ATP8A2: variants seen among roughly 807,000 people sequenced by gnomAD.
The protein encoded by ATP8A2 is phospholipid-transporting ATPase IB.
A neutral mutation model predicts 165.6 loss-of-function variants in ATP8A2; 100 were observed. The ratio of observed to expected loss-of-function variants is 0.60; its 90% confidence interval spans 0.51 to 0.71. The LOEUF is 0.71. ATP8A2 is among the 30% of genes least tolerant of loss of function. The pLI is 0.00. For synonymous variants in ATP8A2, 543 were observed against 548.8 expected (o/e 0.99, Z 0.15); for missense variants, 1,227 against 1,479.5 (o/e 0.83, Z 2.80).
intron 24 of ATP8A2, among the ~76,000 whole-genome samples, chr13:25,591,628 A>C (rs577454079): frequency 7.3e-6 from 1 of 136,098 alleles, no homozygotes; most frequent in South Asian, 2.2e-4. Context: ...CTCTCTTGCC[A>C]GGTTGGAGTG....
At chr13:25,788,956 C>T (rs2045099500) in intron 27 of ATP8A2, among the ~76,000 whole-genome samples, 1 of 152,150 alleles carries the variant, frequency 6.6e-6, no homozygotes, top group East Asian at 1.9e-4. Flanking sequence ...GCTTGAGTTA[C>T]ATGAAGAGCA....
At chr13:25,518,556 G>C (rs2037554632) in intron 2 of ATP8A2, among the ~76,000 whole-genome samples, 1 of 152,138 alleles carries the variant, frequency 6.6e-6, no homozygotes, top group Non-Finnish European at 1.5e-5. Flanking sequence ...TGTTTCTGGA[G>C]GCTTGCTTGA....
intron 35 of ATP8A2, among the ~76,000 whole-genome samples, chr13:25,993,822 C>T (rs1566335256): frequency 6.6e-6 from 1 of 152,104 alleles, no homozygotes; most frequent in African/African-American, 2.4e-5. Context: ...AACAATTGTT[C>T]TTTTACCTTT....
intron 1 of ATP8A2, among the ~76,000 whole-genome samples, chr13:25,388,634 CA>C (rs1231763242): frequency 6.6e-6 from 1 of 152,166 alleles, no homozygotes; most frequent in South Asian, 2.1e-4. Context: ...CCGATCAGGT[CA>C]GGGGTGGATC....
intron 24 of ATP8A2, among the ~76,000 whole-genome samples, chr13:25,642,861 C>T (rs978004801): frequency 2.6e-5 from 4 of 152,180 alleles, no homozygotes; most frequent in Non-Finnish European, 5.9e-5. Context: ...GGCACATGCA[C>T]ACCGTGGAAT....
At chr13:25,894,889 C>A (rs959618881) in intron 33 of ATP8A2, among the ~76,000 whole-genome samples, 1 of 152,022 alleles carries the variant, frequency 6.6e-6, no homozygotes, top group Non-Finnish European at 1.5e-5. Context: ...GATTTTGTAT[C>A]CTGAGACTTT....
chr13:25,947,755 G>A (rs1246575552), intron 33 of ATP8A2, among the ~76,000 whole-genome samples: 1 of 152,206 alleles, frequency 6.6e-6, no homozygotes, highest in Admixed American at 6.5e-5. Context: ...CAGACACCGT[G>A]GTCAGCCTTT....
chr13:25,574,335 A>G (rs989310792), intron 18 of ATP8A2, among the ~76,000 whole-genome samples: 2 of 152,202 alleles, frequency 1.3e-5, no homozygotes, highest in Admixed American at 6.5e-5. Flanking sequence ...GCAAAACCTA[A>G]TCAGAACTGA....
At chr13:25,702,697 T>A (rs1459385706) in intron 25 of ATP8A2, among the ~76,000 whole-genome samples, 1 of 152,210 alleles carries the variant, frequency 6.6e-6, no homozygotes, top group Non-Finnish European at 1.5e-5. Flanking sequence ...CTCACATACA[T>A]CCCAATTCCT....
At chr13:25,948,778 C>A (rs1183408166) in intron 33 of ATP8A2, among the ~76,000 whole-genome samples, 1 of 152,168 alleles carries the variant, frequency 6.6e-6, no homozygotes, top group Non-Finnish European at 1.5e-5. Context: ...GGAAGAGGTG[C>A]TTGCCAGAAC....
At chr13:25,382,991 G>T (rs7992756) in intron 1 of ATP8A2, among the ~76,000 whole-genome samples, 1 of 149,540 alleles carries the variant, frequency 6.7e-6, no homozygotes, top group Admixed American at 6.7e-5. Context: ...TCCTGACTTC[G>T]TGATCTGCCC....
chr13:25,415,200 G>A (rs1462645323), intron 1 of ATP8A2, among the ~76,000 whole-genome samples: 1 of 152,160 alleles, frequency 6.6e-6, no homozygotes, highest in Non-Finnish European at 1.5e-5. Flanking sequence ...ATGTCTTGTG[G>A]GTATATTACA....
At chr13:25,929,852 C>T (rs1421417172) in intron 33 of ATP8A2, among the ~76,000 whole-genome samples, 1 of 152,184 alleles carries the variant, frequency 6.6e-6, no homozygotes, top group Non-Finnish European at 1.5e-5. Flanking sequence ...CAAACCTTGC[C>T]TAATCCTGTG....
At chr13:25,540,276 A>C in intron 7 of ATP8A2, 43 bp from the exon 8 acceptor site, 1 of 1,428,340 alleles carries the variant, frequency 7.0e-7, no homozygotes, top group Non-Finnish European at 9.9e-7. Context: ...GAATTTGTGG[A>C]AAGGACCTTA....
At chr13:25,441,992 G>A (rs180733770) in intron 1 of ATP8A2, among the ~76,000 whole-genome samples, 1 of 152,256 alleles carries the variant, frequency 6.6e-6, no homozygotes, top group African/African-American at 2.4e-5. Flanking sequence ...CCTCTTATAA[G>A]TGGAATCACT....
chr13:25,737,931 C>A lies in ATP8A2; in HGVS notation c.2385-31115C>A, dbSNP rs889049717. 1.1e-4 allele frequency among the ~76,000 whole-genome samples: 17 copies of A among 152,230 alleles called. No individual in the cohort carries two copies. The Middle Eastern group carries it at 0.01, about 91-fold the overall frequency. ...GATCTCCTGACCTCGTGATCCGCCC[C>A]TCTCGGCCTCCCAAAGTGCTGGGAT... On this transcript the variant is annotated intron_variant, in intron 25 of 36. Transcript: ENST00000381655.
chr13:25,853,309 T>C (rs887399672), intron 30 of ATP8A2, among the ~76,000 whole-genome samples: 3 of 150,830 alleles, frequency 2.0e-5, no homozygotes, highest in Non-Finnish European at 2.9e-5. Flanking sequence ...GGAGAATTGC[T>C]TGAACCCAGA....
At chr13:25,525,222 G>T (rs2037805455) in intron 2 of ATP8A2, among the ~76,000 whole-genome samples, 1 of 151,782 alleles carries the variant, frequency 6.6e-6, no homozygotes, top group African/African-American at 2.4e-5. Context: ...TGATTTTTTT[G>T]TTACCTCAAT....
At chr13:25,772,082 C>T (rs926319184) in intron 26 of ATP8A2, among the ~76,000 whole-genome samples, 6 of 152,150 alleles carry the variant, frequency 3.9e-5, no homozygotes, top group Admixed American at 6.5e-5. Context: ...CTACCTTGTG[C>T]TTTTATGCAC....
Sources: gnomAD v4.1 joint callset for allele counts (sites outside exome capture counted in the v4.1 genomes callset) on GRCh38, gnomAD v4.1.1 for gene constraint, MANE v1.5 for transcripts, NCBI Gene and HGNC (gene_info 2026-07-23, HGNC 2026-07-21) for gene names.